Variants in FAM228B observed in about 807,000 individuals in gnomAD.
FAM228B encodes the protein family with sequence similarity 228 member B.
A neutral mutation model predicts 42.6 loss-of-function variants in FAM228B; 38 were observed. The ratio of observed to expected loss-of-function variants is 0.89; its 90% CI spans 0.69 to 1.17. The LOEUF (loss-of-function observed/expected upper bound fraction) is 1.17. Among genes scored for constraint, FAM228B ranks in the 50% most tolerant of loss-of-function variants. FAM228B has a pLI of 0.00. For synonymous variants in FAM228B, 109 were observed against 122.3 expected, an observed-to-expected ratio of 0.89 and a Z score of 0.72; for missense variants, 344 against 367.3, an observed-to-expected ratio of 0.94 and a Z score of 0.52.
intron 2 of FAM228B, among the ~76,000 whole-genome samples, chr2:24,089,976 G>GAA (rs33915915): frequency 0.29 from 37,320 of 130,330 alleles, 5,729 homozygotes; most frequent in South Asian, 0.35. Context: ...TAAAAAAAAA[G>GAA]AAAAAAAAAA....
At chr2:24,164,686 C>A (rs2151032831) in intron 9 of FAM228B, among the ~76,000 whole-genome samples, 1 of 152,358 alleles carries the variant, frequency 6.6e-6, no homozygotes, top group South Asian at 2.1e-4. Flanking sequence ...CTGTCTCTAC[C>A]ATTTACCACT....
chr2:24,168,882 G>C (rs1667497920), intron 10 of FAM228B, among the ~76,000 whole-genome samples: 1 of 152,164 alleles, frequency 6.6e-6, no homozygotes, highest in Non-Finnish European at 1.5e-5. Context: ...AACTAGCTCA[G>C]TGGATTTTGC....
chr2:24,138,666 AG>A (rs1280414748), intron 4 of FAM228B, among the ~76,000 whole-genome samples: 1 of 150,800 alleles, frequency 6.6e-6, no homozygotes, highest in Non-Finnish European at 1.5e-5. Flanking sequence ...TTAATTATCA[AG>A]TTAAAAAATG....
intron 3 of FAM228B, among the ~76,000 whole-genome samples, chr2:24,114,031 G>A (rs919386311): frequency 2.6e-5 from 4 of 152,190 alleles, no homozygotes; most frequent in Admixed American, 1.3e-4. Flanking sequence ...GAAAAGGAAT[G>A]ATGTTGGAAG....
Position 24,077,604 on chromosome 2 carries a change from T to C in FAM228B, c.-290+635T>C. 1 of 1,606,910 alleles carries C rather than the reference T, an allele frequency of 6.2e-7. No individual in the cohort carries two copies. Among genetic ancestry groups the C allele is most frequent in the Non-Finnish European group, 8.5e-7 (1 of 1,175,654 alleles). ...TCACTGGGGCAGTTCCAGGACGATCTTGCCTATGTTCTTGTTGGCCTCCAT... is the reference window on the plus strand; with the variant it reads ...TCACTGGGGCAGTTCCAGGACGATCCTGCCTATGTTCTTGTTGGCCTCCAT... On this transcript the variant is annotated intron_variant, in intron 1 of 10. Transcript: ENST00000613899. The surrounding 1 kb of genome is among the most constrained non-coding windows in gnomAD (Gnocchi z 5.5).
intron 2 of FAM228B, among the ~76,000 whole-genome samples, chr2:24,093,610 A>G (rs963808433): frequency 1.3e-4 from 19 of 147,800 alleles, no homozygotes; most frequent in Admixed American, 6.8e-4. Context: ...TGCAATAAAC[A>G]TATGTGTGCA....
chr2:24,150,820 GTTAT>G (rs1667005899), intron 7 of FAM228B, among the ~76,000 whole-genome samples: 1 of 152,128 alleles, frequency 6.6e-6, no homozygotes, highest in African/African-American at 2.4e-5. Context: ...TCCATTGTAT[GTTAT>G]TTGTTTCTTT....
chr2:24,134,377 G>A (rs1666527819), intron 2 of FAM228B, among the ~76,000 whole-genome samples: 1 of 152,204 alleles, frequency 6.6e-6, no homozygotes, highest in African/African-American at 2.4e-5. Flanking sequence ...GTGGCACTAA[G>A]CTTTTAGTGA....
chr2:24,153,275 T>C (rs1350581166), intron 7 of FAM228B, among the ~76,000 whole-genome samples: 2 of 152,176 alleles, frequency 1.3e-5, no homozygotes, highest in Non-Finnish European at 2.9e-5. Context: ...TCTTTCACCA[T>C]AGCCACCACA....
chr2:24,146,885 A>G lies in FAM228B; in HGVS notation c.530-45A>G, dbSNP rs140636149. On this transcript the variant is annotated intron_variant, in intron 6 of 10. Transcript: ENST00000615575. Reference sequence around the variant, plus strand: ...GATTTCATAGCCCAAGAGCAATGGCAGATGCATTTAAGGATGTTAATTTAG... The same window carrying G: ...GATTTCATAGCCCAAGAGCAATGGCGGATGCATTTAAGGATGTTAATTTAG... The G allele has an allele frequency of 2.5e-5, 38 of 1,538,578 alleles. No homozygotes were observed. In the African/African-American group the frequency reaches 4.3e-4, roughly 17 times the overall value.
intron 8 of FAM228B, 100 bp downstream of exon 8, chr2:24,161,713 GCACA>G: frequency 1.3e-6 from 1 of 756,734 alleles, no homozygotes; most frequent in Non-Finnish European, 2.2e-6. Context: ...CGGTGCTGAG[GCACA>G]CACAAAGCTC....
chr2:24,088,079 T>C (rs1162297958), intron 2 of FAM228B, among the ~76,000 whole-genome samples: 1 of 151,988 alleles, frequency 6.6e-6, no homozygotes, highest in Admixed American at 6.6e-5. Flanking sequence ...GATTTCTCCA[T>C]GTTGGCCAGG....
intron 3 of FAM228B, among the ~76,000 whole-genome samples, chr2:24,103,451 T>C (rs1165724013): frequency 1.3e-5 from 2 of 152,156 alleles, no homozygotes; most frequent in Non-Finnish European, 2.9e-5. Context: ...TTACAAAAGA[T>C]TGCCTGCTCC....
intron 2 of FAM228B, among the ~76,000 whole-genome samples, chr2:24,129,784 C>G (rs1666408844): frequency 6.6e-6 from 1 of 151,894 alleles, no homozygotes; most frequent in African/African-American, 2.4e-5. Flanking sequence ...TTCAGATTTT[C>G]ATGTCAATAT....
chr2:24,124,314 A>G lies in FAM228B; in HGVS notation c.-32-16A>G, dbSNP rs1421923353. The G allele has an allele frequency of 7.9e-7, 1 of 1,258,628 alleles. No individual in the cohort carries two copies. Among genetic ancestry groups the G allele is most frequent in the Admixed American group, 2.2e-5 (1 of 45,264 alleles). 78.0% of individuals were successfully genotyped at this position (1,258,628 alleles called of 1,614,324 possible). On this transcript the variant is annotated splice_polypyrimidine_tract_variant and intron_variant, in intron 1 of 10. Coordinates refer to ENST00000615575, the MANE Select transcript of FAM228B (RefSeq NM_001145710.2). ...ATGACTGTGAAATGTTCAATACTAAATAAGATGATTTTTAGTTTTTCCAGG... is the reference window on the plus strand; with the variant it reads ...ATGACTGTGAAATGTTCAATACTAAGTAAGATGATTTTTAGTTTTTCCAGG...
chr2:24,084,389 G>A lies in FAM228B; in HGVS notation c.-210+3434G>A. On this transcript the variant is annotated intron_variant, in intron 2 of 10. Transcript: ENST00000613899. The surrounding 1 kb of genome is among the most constrained non-coding windows in gnomAD (Gnocchi z 8.4). ...GACAGGGCAGGGCAGGGCAGGACAG[G>A]ACAGGGCAGGGCAGGACAGGACAGG... is the stretch of plus-strand genomic sequence containing the variant. 2 of 1,332,528 alleles carry A rather than the reference G, an allele frequency of 1.5e-6. No homozygotes were observed. Among genetic ancestry groups the A allele is most frequent in the South Asian group, 2.6e-5 (2 of 76,440 alleles). The allele number at this position is 1,332,528 out of a possible 1,614,324, so 82.5% of individuals were successfully genotyped here.
chr2:24,102,447 G>GT (rs1229654789), intron 3 of FAM228B, among the ~76,000 whole-genome samples: 2 of 152,268 alleles, frequency 1.3e-5, no homozygotes, highest in East Asian at 3.9e-4. Flanking sequence ...TGTTTTAAAT[G>GT]TATTTTCAGG....
rs927352466 is a variant in FAM228B at position 24,080,304 on chromosome 2, G to A, written c.-289-572G>A. Among the ~76,000 whole-genome samples the A allele has an allele frequency of 2.0e-5, 3 of 151,524 alleles. No homozygotes were observed. Among genetic ancestry groups the A allele is most frequent in the Admixed American group, 1.3e-4 (2 of 15,220 alleles). ...TGGGAGGCGGAGGTTGCAGCGAGCCGAGATCAAGCCACTGCACGCCATCCT... is the reference window on the plus strand; with the variant it reads ...TGGGAGGCGGAGGTTGCAGCGAGCCAAGATCAAGCCACTGCACGCCATCCT... On this transcript the variant is annotated intron_variant, in intron 1 of 10. Transcript: ENST00000613899. The surrounding 1 kb of genome is among the most constrained non-coding windows in gnomAD (Gnocchi z 4.7).
chr2:24,117,206 G>C lies in FAM228B; in HGVS notation c.-120-17913G>C, dbSNP rs1665948608. Among the ~76,000 whole-genome samples, 5 of 151,784 alleles carry C rather than the reference G, an allele frequency of 3.3e-5. No individual in the cohort carries two copies. In the South Asian group the frequency reaches 1.0e-3, roughly 32 times the overall value. ...AATTTATGTATTTTTGGTAGAAATG[G>C]GGTTTCACCATGTTTTCCAGGCTGG... On this transcript the variant is annotated intron_variant, in intron 3 of 10. Transcript: ENST00000613899.
Sources: allele counts gnomAD v4.1 joint callset (sites outside exome capture counted in the v4.1 genomes callset), GRCh38; gene constraint gnomAD v4.1.1; non-coding constraint Gnocchi (gnomAD v3.1); transcripts MANE v1.5; gene names NCBI Gene and HGNC (gene_info 2026-07-23, HGNC 2026-07-21).